GPCPD1: variants seen among roughly 807,000 people sequenced by gnomAD.
GPCPD1 encodes the protein glycerophosphocholine phosphodiesterase 1.
A neutral mutation model predicts 89.2 loss-of-function variants in GPCPD1; 29 were observed. That is an observed-to-expected ratio of 0.33 (90% CI 0.24 to 0.44). GPCPD1 has a LOEUF of 0.44. Ranked by LOEUF, GPCPD1 falls within the 20% of genes least tolerant of loss-of-function variation. The probability of loss-of-function intolerance (pLI) is 1.00; values close to 1 mark genes in which losing one functional copy is unlikely to be tolerated. For missense variants in GPCPD1, 594 were observed against 808.9 expected (o/e 0.73, Z 3.22); for synonymous variants, 258 against 266.3 (o/e 0.97, Z 0.30).
At chr20:5,601,902 TGAG>T (rs35356111) in intron 2 of GPCPD1, among the ~76,000 whole-genome samples, 22,316 of 152,092 alleles carry the variant, frequency 0.15, 1,823 homozygotes, top group Middle Eastern at 0.2. Flanking sequence ...CTGCTGAAAA[TGAG>T]GAAATTTTTC....
chr20:5,601,217 A>C (rs1980111196), intron 2 of GPCPD1, among the ~76,000 whole-genome samples: 1 of 151,984 alleles, frequency 6.6e-6, no homozygotes, highest in Non-Finnish European at 1.5e-5. Context: ...ATAATTTTAA[A>C]ATTAGCCAGG....
At chr20:5,584,597 T>TG in intron 5 of GPCPD1, 1 of 216,052 alleles carries the variant, frequency 4.6e-6, no homozygotes, top group Non-Finnish European at 9.2e-6. Context: ...CTAGAGGCAC[T>TG]GGGATTAACT....
At chr20:5,563,637 G>A (rs1986214557) in intron 15 of GPCPD1, among the ~76,000 whole-genome samples, 1 of 152,128 alleles carries the variant, frequency 6.6e-6, no homozygotes, top group East Asian at 1.9e-4. Context: ...GCCTCCCAAA[G>A]TGCTGGGATT....
In GPCPD1 at chr20:5,567,560, TCTAA is replaced by T; in HGVS notation, c.1150-4_1150-1del. ...AATTCAACTGGATCAGCATCAAATT[TCTAA>T]AAAAAAAAAAAAAAGAAAGAAAGAA... On this transcript the variant is annotated splice_acceptor_variant and splice_polypyrimidine_tract_variant and intron_variant, in intron 12 of 19. Transcript: ENST00000379019. LOFTEE classifies it high-confidence loss of function. 1 of 1,338,878 alleles carries T rather than the reference TCTAA, an allele frequency of 7.5e-7. No homozygotes were observed. Among genetic ancestry groups the T allele is most frequent in the Non-Finnish European group, 9.6e-7 (1 of 1,041,410 alleles). 82.9% of individuals were successfully genotyped at this position (1,338,878 alleles called of 1,614,324 possible).
chr20:5,602,255 G>T (rs918399557), intron 2 of GPCPD1, among the ~76,000 whole-genome samples: 1 of 152,116 alleles, frequency 6.6e-6, no homozygotes. Context: ...TCTAATCCCT[G>T]ACCCCAATCA....
At chr20:5,557,592 G>T (rs1322901824) in intron 19 of GPCPD1, among the ~76,000 whole-genome samples, 1 of 151,868 alleles carries the variant, frequency 6.6e-6, no homozygotes, top group Non-Finnish European at 1.5e-5. Flanking sequence ...GTCTGAGTTG[G>T]AGATACGTAA....
chr20:5,589,544 G>A (rs1045675907), intron 4 of GPCPD1, among the ~76,000 whole-genome samples: 10 of 152,026 alleles, frequency 6.6e-5, no homozygotes, highest in African/African-American at 1.9e-4. Context: ...CCTGGGAGGC[G>A]GAGGTTGCAA....
At chr20:5,568,387 A>C (rs1384970620) in intron 12 of GPCPD1, among the ~76,000 whole-genome samples, 1 of 151,990 alleles carries the variant, frequency 6.6e-6, no homozygotes, top group Admixed American at 6.6e-5. Flanking sequence ...AAAAACAGGA[A>C]AGATTTATTT....
chr20:5,561,589 A>G, intron 15 of GPCPD1, 59 bp from the exon 16 acceptor site: 1 of 777,218 alleles, frequency 1.3e-6, no homozygotes, highest in South Asian at 1.6e-5. Flanking sequence ...AGAATAAGAA[A>G]ACAAAAAAAA....
intron 11 of GPCPD1, among the ~76,000 whole-genome samples, chr20:5,571,961 T>G (rs988230201): frequency 3.3e-5 from 5 of 150,666 alleles, no homozygotes; most frequent in Non-Finnish European, 7.4e-5. Flanking sequence ...GGTTCATGCC[T>G]GTAATCTTAG....
In GPCPD1 at chr20:5,558,039, C is replaced by T. The variant is rs760256732; in HGVS notation, c.1735G>A (p.Gly579Arg). The change falls in exon 19 of 20, where the codon GGA becomes AGA. Residue 579 changes from glycine (G) to arginine (R), a missense_variant. Transcript: ENST00000379019. The part of the protein sequence containing the change: ...PSYIQEAKAK[G>R]LVIFCWGDDT... ...TCACCCCAGCAGAATATGACTAGTC[C>T]CTTAGCTTTTGCCTCTTGAATATAG... 3 of 1,596,920 alleles carry T rather than the reference C, an allele frequency of 1.9e-6. No homozygotes were observed. Among genetic ancestry groups the T allele is most frequent in the Non-Finnish European group, 1.7e-6 (2 of 1,164,898 alleles).
At position 5,601,316 on chromosome 20, in the gene GPCPD1, C is replaced by T. The variant is rs181994528; in HGVS notation, c.50-2495G>A. 6.6e-5 allele frequency among the ~76,000 whole-genome samples: 10 copies of T among 151,068 alleles called. No homozygotes were observed. In the East Asian group the frequency reaches 1.4e-3, roughly 21 times the overall value. On this transcript the variant is annotated intron_variant, in intron 2 of 19. Coordinates refer to ENST00000379019, the MANE Select transcript of GPCPD1 (RefSeq NM_019593.5). ...CCAGGAGTTTGAGGAGCTATGACTG[C>T]ACCACTGCACTTCAACCTGGGCAAT... is the stretch of plus-strand genomic sequence containing the variant.
Position 5,547,205 on chromosome 20 carries a change from T to C in GPCPD1, c.*456A>G, listed in dbSNP as rs1450995474. On this transcript the variant is annotated 3_prime_UTR_variant, in exon 20 of 20. Coordinates refer to ENST00000379019, the MANE Select transcript of GPCPD1 (RefSeq NM_019593.5). ...AAGATGGCACAAAGATTTGTGCAGT[T>C]GGAATCACCAGTGCAAATGCATGCA... 6.6e-6 allele frequency: 1 copy of C among 152,608 alleles called. No individual in the cohort carries two copies. The allele number at this position is 152,608 out of a possible 1,614,324, so 9.5% of individuals were successfully genotyped here.
At chr20:5,582,828 G>A (rs1978637456) in intron 6 of GPCPD1, among the ~76,000 whole-genome samples, 1 of 151,852 alleles carries the variant, frequency 6.6e-6, no homozygotes, top group Non-Finnish European at 1.5e-5. Context: ...GGTGGAGGCT[G>A]CAGCAAGCGG....
At chr20:5,578,739 T>C (rs1251551329) in intron 7 of GPCPD1, 128 bp from the exon 8 acceptor site, 6 of 637,712 alleles carry the variant, frequency 9.4e-6, no homozygotes, top group East Asian at 5.4e-5. Context: ...AAAAATAATG[T>C]ATTATGCAAA....
chr20:5,565,752 T>G (rs986510272), intron 14 of GPCPD1, among the ~76,000 whole-genome samples: 1 of 152,170 alleles, frequency 6.6e-6, no homozygotes, highest in African/African-American at 2.4e-5. Flanking sequence ...GTTGTGTGAT[T>G]TTGCTAAGAC....
At chr20:5,605,065 C>T (rs1980486514) in intron 1 of GPCPD1, among the ~76,000 whole-genome samples, 1 of 152,054 alleles carries the variant, frequency 6.6e-6, no homozygotes, top group Admixed American at 6.6e-5. Context: ...CTTATATAAA[C>T]AGTGACTCAA....
At position 5,576,107 on chromosome 20, in the gene GPCPD1, ATT is replaced by A. The variant is rs772284040; in HGVS notation, c.706-131_706-130del. ...CTATATATGAAATGTGTATATATAT[ATT>A]TTTTTTTTCATAAAAACTTCAGTAT... On this transcript the variant is annotated intron_variant, in intron 8 of 19. Coordinates refer to ENST00000379019, the MANE Select transcript of GPCPD1 (RefSeq NM_019593.5). 1.7e-3 allele frequency: 287 copies of A among 173,500 alleles called. 2 individuals are homozygous for A. Among genetic ancestry groups the A allele is most frequent in the African/African-American group, 9.8e-3 (232 of 23,578 alleles). 10.7% of individuals were successfully genotyped at this position (173,500 alleles called of 1,614,324 possible).
At chr20:5,569,073 G>C (rs113038960) in intron 12 of GPCPD1, among the ~76,000 whole-genome samples, 151 of 151,814 alleles carry the variant, frequency 9.9e-4, no homozygotes, top group African/African-American at 2.8e-3. Context: ...AATCTGAATA[G>C]ATGCACCTCC....
Sources: allele counts gnomAD v4.1 joint callset (sites outside exome capture counted in the v4.1 genomes callset), GRCh38; gene constraint gnomAD v4.1.1; transcripts MANE v1.5; gene names NCBI Gene and HGNC (gene_info 2026-07-23, HGNC 2026-07-21).